Variants in HERC3 observed in about 807,000 individuals in gnomAD.
HERC3 encodes the protein probable E3 ubiquitin-protein ligase HERC3.
A neutral mutation model predicts 129.9 loss-of-function variants in HERC3; 58 were observed. The ratio of observed to expected loss-of-function variants is 0.45; its 90% CI spans 0.36 to 0.56. The LOEUF (loss-of-function observed/expected upper bound fraction) is 0.56. Among genes scored for constraint, HERC3 ranks in the 20% least tolerant of loss-of-function variants. The pLI, the probability that HERC3 is intolerant of heterozygous loss-of-function variation, is 0.00. For missense variants in HERC3, 835 were observed against 1,244.2 expected (o/e 0.67, Z 4.95); for synonymous variants, 430 against 451.0 (o/e 0.95, Z 0.59).
the HERC3 span, among the ~76,000 whole-genome samples, chr4:88,575,111 A>G: frequency 6.6e-6 from 1 of 152,220 alleles, no homozygotes; most frequent in Non-Finnish European, 1.5e-5. Context: ...CTGATTTTCA[A>G]TGATAGTGCC....
At chr4:88,686,690 C>T in intron 21 of HERC3, 46 bp from the exon 22 acceptor site, 5 of 1,187,534 alleles carry the variant, frequency 4.2e-6, no homozygotes, top group Non-Finnish European at 6.3e-6. Context: ...ACTGTTGCAG[C>T]AGTGTCTGAC....
At chr4:88,532,145 A>G in the HERC3 span, among the ~76,000 whole-genome samples, 1 of 152,220 alleles carries the variant, frequency 6.6e-6, no homozygotes, top group African/African-American at 2.4e-5. Context: ...AGTGATTAAT[A>G]TATAGTAAAG....
At chr4:88,704,325 A>G (rs1207488567) in intron 24 of HERC3, 44 bp downstream of exon 24, 4 of 1,591,826 alleles carry the variant, frequency 2.5e-6, no homozygotes, top group Middle Eastern at 1.7e-4. Flanking sequence ...CCGGCGAAGC[A>G]GCAGCAGCCT....
At chr4:88,701,506 A>G (rs951534493) in intron 23 of HERC3, among the ~76,000 whole-genome samples, 6 of 152,236 alleles carry the variant, frequency 3.9e-5, no homozygotes, top group African/African-American at 1.4e-4. Flanking sequence ...AACTATCTTC[A>G]TGATGTGAAG....
intron 11 of HERC3, among the ~76,000 whole-genome samples, chr4:88,663,582 T>C (rs1265620733): frequency 2.0e-5 from 3 of 152,328 alleles, no homozygotes; most frequent in African/African-American, 7.2e-5. Context: ...CTTTCCCTTT[T>C]CCTTACACTG....
At position 88,685,615 on chromosome 4, in the gene HERC3, G is replaced by A. The variant is rs572380294; in HGVS notation, c.2508-1121G>A. ...CCTTTCGGGTGGTGGAGGTGGGAAC[G>A]GGAGGGAGAGCATTAGGACAAATAC... On this transcript the variant is annotated intron_variant, in intron 21 of 25. Transcript: ENST00000402738. Among the ~76,000 whole-genome samples the A allele has an allele frequency of 1.1e-4, 17 of 152,216 alleles. No homozygotes were observed. In the East Asian group the frequency reaches 3.3e-3, roughly 29 times the overall value.
At chr4:88,643,928 ACAACT>A (rs138832252) in intron 3 of HERC3, among the ~76,000 whole-genome samples, 4 of 152,312 alleles carry the variant, frequency 2.6e-5, no homozygotes, top group African/African-American at 9.6e-5. Context: ...GAATGAAAAA[ACAACT>A]CAATAGTGAA....
At chr4:88,631,878 G>C (rs970364966) in intron 3 of HERC3, among the ~76,000 whole-genome samples, 2 of 152,122 alleles carry the variant, frequency 1.3e-5, no homozygotes, top group Admixed American at 1.3e-4. Context: ...TCCTGTCTTC[G>C]ACTGTATGCA....
intron 23 of HERC3, chr4:88,696,519 A>T (rs1305789819): frequency 2.7e-5 from 3 of 112,962 alleles, no homozygotes; most frequent in Admixed American, 1.0e-4. Flanking sequence ...TAATGAATAC[A>T]TATGTTGACA....
intron 7 of HERC3, among the ~76,000 whole-genome samples, chr4:88,654,461 A>G (rs1309315720): frequency 6.8e-6 from 1 of 146,058 alleles, no homozygotes; most frequent in Non-Finnish European, 1.5e-5. Flanking sequence ...TGTAGATTAT[A>G]TATATAAATA....
At chr4:88,577,624 T>TATATATATACATATATATG in the HERC3 span, among the ~76,000 whole-genome samples, 2 of 150,760 alleles carry the variant, frequency 1.3e-5, no homozygotes, top group African/African-American at 5.0e-5. Flanking sequence ...TATAATAGGT[T>TATATATATACATATATATG]TGTAATACCA....
rs146432312 is a variant in HERC3 at position 88,644,494 on chromosome 4, A to G, written c.227-5346A>G. 2.6e-5 allele frequency among the ~76,000 whole-genome samples: 4 copies of G among 152,318 alleles called. No individual in the cohort carries two copies. The East Asian group carries it at 5.8e-4, about 22-fold the overall frequency. ...TCTCAGAGGCATTATGAGTAAAACA[A>G]TCCAGTTTCAAAGAGTTAGACACTA... is the stretch of plus-strand genomic sequence containing the variant. On this transcript the variant is annotated intron_variant, in intron 3 of 25. Coordinates refer to ENST00000402738, the MANE Select transcript of HERC3 (RefSeq NM_014606.3).
At chr4:88,661,543 C>T (rs761017241) in intron 10 of HERC3, among the ~76,000 whole-genome samples, 4 of 152,220 alleles carry the variant, frequency 2.6e-5, no homozygotes, top group East Asian at 1.9e-4. Context: ...TCACTGGAGA[C>T]GAGAATAGGA....
At chr4:88,677,461 T>C (rs893883879) in intron 18 of HERC3, among the ~76,000 whole-genome samples, 1 of 152,154 alleles carries the variant, frequency 6.6e-6, no homozygotes, top group Non-Finnish European at 1.5e-5. Context: ...TCTCTCTGAC[T>C]GTCTGCTTGT....
At chr4:88,624,481 A>G (rs527345137) in intron 3 of HERC3, among the ~76,000 whole-genome samples, 1 of 152,320 alleles carries the variant, frequency 6.6e-6, no homozygotes, top group African/African-American at 2.4e-5. Context: ...ATGAACTTGA[A>G]CAGCTTTTCT....
At chr4:88,659,145 C>G (rs547208807) in intron 10 of HERC3, among the ~76,000 whole-genome samples, 12 of 152,196 alleles carry the variant, frequency 7.9e-5, no homozygotes, top group Non-Finnish European at 7.3e-5. Context: ...CAGTGCTGGA[C>G]TCCTTCCCCT....
intron 2 of HERC3, among the ~76,000 whole-genome samples, chr4:88,596,215 A>G (rs1276797981): frequency 2.6e-5 from 4 of 152,148 alleles, no homozygotes; most frequent in African/African-American, 9.7e-5. Context: ...ATTAAAATGA[A>G]TTTAGGAATG....
chr4:88,589,933 T>C (rs931386483), upstream of HERC3, among the ~76,000 whole-genome samples: 1 of 152,220 alleles, frequency 6.6e-6, no homozygotes, highest in African/African-American at 2.4e-5. Flanking sequence ...GCTTGAGTCT[T>C]TGATAACCAT....
At chr4:88,647,061 A>G (rs936364769) in intron 3 of HERC3, among the ~76,000 whole-genome samples, 1 of 152,124 alleles carries the variant, frequency 6.6e-6, no homozygotes, top group Non-Finnish European at 1.5e-5. Context: ...AAATGTAAGG[A>G]ATGCTATCAA....
Sources: allele counts gnomAD v4.1 joint callset (sites outside exome capture counted in the v4.1 genomes callset), GRCh38; gene constraint gnomAD v4.1.1; transcripts MANE v1.5; gene names NCBI Gene and HGNC (gene_info 2026-07-23, HGNC 2026-07-21).